The following DPP10 variants were observed in gnomAD, a reference collection of about 807,000 sequenced individuals.
DPP10 encodes dipeptidyl peptidase like 10.
Under a neutral mutation model 120.9 loss-of-function variants are expected in DPP10, and 33 were observed. That is an observed-to-expected ratio of 0.27 (90% CI 0.21 to 0.37). The LOEUF (loss-of-function observed/expected upper bound fraction) is 0.37. Ranked by LOEUF, DPP10 falls within the 10% of genes least tolerant of loss-of-function variation. DPP10 has a pLI of 1.00. For missense variants in DPP10, 816 were observed against 942.8 expected (o/e 0.87, Z 1.76); for synonymous variants, 337 against 326.1 (o/e 1.03, Z -0.36).
chr2:114,583,826 G>A (rs544939427), intron 1 of DPP10, among the ~76,000 whole-genome samples: 15 of 152,164 alleles, frequency 9.9e-5, no homozygotes, highest in African/African-American at 2.9e-4. Context: ...GATGAGATAC[G>A]GAGTAACCTC....
At chr2:115,720,536 TTA>T (rs1365093120) in intron 7 of DPP10, among the ~76,000 whole-genome samples, 1 of 152,104 alleles carries the variant, frequency 6.6e-6, no homozygotes, top group African/African-American at 2.4e-5. Flanking sequence ...TCAAGGTGTC[TTA>T]TTCTTACAAT....
intron 1 of DPP10, among the ~76,000 whole-genome samples, chr2:114,977,187 G>T (rs1699807631): frequency 6.6e-6 from 1 of 151,878 alleles, no homozygotes; most frequent in Non-Finnish European, 1.5e-5. Flanking sequence ...TACATCTTGT[G>T]CAATTGTCTC....
At chr2:115,422,426 A>G (rs1312001301) in intron 3 of DPP10, among the ~76,000 whole-genome samples, 2 of 152,156 alleles carry the variant, frequency 1.3e-5, no homozygotes, top group African/African-American at 4.8e-5. Context: ...TGCCAGTAGC[A>G]TATCTCTTTG....
At chr2:114,459,820 T>G (rs1038922515) in intron 1 of DPP10, among the ~76,000 whole-genome samples, 8 of 152,158 alleles carry the variant, frequency 5.3e-5, no homozygotes, top group Non-Finnish European at 8.8e-5. Context: ...ATGTTTTTAA[T>G]ATTTCTTGAG....
intron 1 of DPP10, among the ~76,000 whole-genome samples, chr2:115,288,096 C>T (rs990530473): frequency 6.6e-6 from 1 of 152,120 alleles, no homozygotes; most frequent in Non-Finnish European, 1.5e-5. Flanking sequence ...AATCTCCATA[C>T]TGTTTTCTAT....
intron 5 of DPP10, among the ~76,000 whole-genome samples, chr2:115,634,706 GACTCACTA>G (rs1487637921): frequency 1.3e-5 from 2 of 152,138 alleles, no homozygotes; most frequent in Non-Finnish European, 2.9e-5. Flanking sequence ...CCGGATGTGG[GACTCACTA>G]ACTGAGGCAT....
At position 115,751,797 on chromosome 2, in the gene DPP10, T is replaced by TG. The variant is rs1553498782; in HGVS notation, c.951-1377_951-1376insG. On this transcript the variant is annotated intron_variant, in intron 10 of 25. Transcript: ENST00000410059. ...CTGGGTTAATTAACTGTGTTTTTTT[T>TG]TTGTTGTTTTTTTTTTTTTGAGACA... Among the ~76,000 whole-genome samples, 731 of 149,734 alleles carry TG rather than the reference T, an allele frequency of 4.9e-3. 9 individuals are homozygous for TG. The highest frequency in any genetic ancestry group is 0.017 in the African/African-American group (704 of 40,958).
chr2:114,895,221 A>G (rs1574435836), intron 1 of DPP10, among the ~76,000 whole-genome samples: 1 of 152,224 alleles, frequency 6.6e-6, no homozygotes, highest in South Asian at 2.1e-4. Flanking sequence ...GAAAAATAAA[A>G]CGACGTGTGG....
intron 7 of DPP10, among the ~76,000 whole-genome samples, chr2:115,708,082 C>T (rs2092191626): frequency 6.6e-6 from 1 of 151,854 alleles, no homozygotes; most frequent in South Asian, 2.1e-4. Flanking sequence ...TGAGATTCTA[C>T]GTGTGTTACA....
chr2:114,658,625 G>C (rs1434859847), intron 1 of DPP10, among the ~76,000 whole-genome samples: 1 of 152,144 alleles, frequency 6.6e-6, no homozygotes, highest in Non-Finnish European at 1.5e-5. Context: ...TGCTTAGACT[G>C]TTGGATCACA....
intron 1 of DPP10, among the ~76,000 whole-genome samples, chr2:115,262,372 AT>A (rs1175241102): frequency 1.3e-5 from 2 of 151,884 alleles, no homozygotes; most frequent in Admixed American, 6.6e-5. Flanking sequence ...GTTTACTATT[AT>A]TTTTATTTTA....
intron 1 of DPP10, among the ~76,000 whole-genome samples, chr2:114,949,215 G>A (rs1697592927): frequency 2.0e-5 from 3 of 151,996 alleles, no homozygotes; most frequent in South Asian, 4.1e-4. Flanking sequence ...GAGCCACCGC[G>A]CCTGGCCCAG....
chr2:115,088,211 C>A (rs754590635), intron 1 of DPP10, among the ~76,000 whole-genome samples: 5 of 152,122 alleles, frequency 3.3e-5, no homozygotes, highest in Non-Finnish European at 7.3e-5. Context: ...CTCCTAACAC[C>A]ATCACCTTGG....
intron 1 of DPP10, among the ~76,000 whole-genome samples, chr2:114,896,441 G>T (rs1693006407): frequency 6.6e-6 from 1 of 152,044 alleles, no homozygotes; most frequent in Non-Finnish European, 1.5e-5. Context: ...TCCTTGAAGA[G>T]GTCCTTCACG....
chr2:115,625,017 C>T (rs1438036744), intron 5 of DPP10, among the ~76,000 whole-genome samples: 3 of 151,878 alleles, frequency 2.0e-5, no homozygotes, highest in Non-Finnish European at 2.9e-5. Flanking sequence ...TCTCTATCTT[C>T]CCCAGGGAGA....
At chr2:114,758,712 C>T (rs1372136133) in intron 1 of DPP10, among the ~76,000 whole-genome samples, 1 of 152,066 alleles carries the variant, frequency 6.6e-6, no homozygotes, top group East Asian at 1.9e-4. Flanking sequence ...TTAGAGATGT[C>T]TTGCATATAA....
intron 9 of DPP10, among the ~76,000 whole-genome samples, chr2:115,741,314 C>T (rs1677239386): frequency 1.3e-5 from 2 of 150,888 alleles, no homozygotes; most frequent in South Asian, 2.1e-4. Context: ...AGCAGATATA[C>T]TCAGTGCTTT....
chr2:115,010,700 C>T (rs370243780), intron 1 of DPP10, among the ~76,000 whole-genome samples: 2 of 152,118 alleles, frequency 1.3e-5, no homozygotes, highest in Non-Finnish European at 2.9e-5. Flanking sequence ...TAAACAGAAG[C>T]TCCAAAAATC....
rs941198786 is a variant in DPP10 at position 115,224,529 on chromosome 2, G to A, written c.61-84710G>A. ...GGATACCTGGAGCTGGAGGGAAGGT[G>A]GGGAGGTTGGGGAGATGATCGTCAA... On this transcript the variant is annotated intron_variant, in intron 1 of 25. Transcript: ENST00000410059. Among the ~76,000 whole-genome samples the A allele has an allele frequency of 2.6e-5, 4 of 152,236 alleles. No homozygotes were observed. In the East Asian group the frequency reaches 7.7e-4, roughly 29 times the overall value.
Sources: allele counts gnomAD v4.1 joint callset (sites outside exome capture counted in the v4.1 genomes callset), GRCh38; gene constraint gnomAD v4.1.1; transcripts MANE v1.5; gene names NCBI Gene and HGNC (gene_info 2026-07-23, HGNC 2026-07-21).